ATP11A: variants seen among roughly 807,000 people sequenced by gnomAD.
ATP11A encodes phospholipid-transporting ATPase IH.
In ATP11A, 81 loss-of-function variants were observed where a neutral mutation model predicts 154.4. The ratio of observed to expected loss-of-function variants is 0.52; its 90% confidence interval spans 0.44 to 0.63. The LOEUF (loss-of-function observed/expected upper bound fraction) is 0.63. Among genes scored for constraint, ATP11A ranks in the 30% least tolerant of loss-of-function variants. The pLI is 0.00. For missense variants in ATP11A, 1,316 were observed against 1,474.3 expected (o/e 0.89, Z 1.76); for synonymous variants, 623 against 585.9 (o/e 1.06, Z -0.91).
In ATP11A at chr13:112,858,382, G is replaced by A. The variant is rs2079997573; in HGVS notation, c.2667+92G>A. ...GTCTGAGCCACTTGATGCCACAAGA[G>A]GTCATTGATCTCCGAGGAGCAGCAA... is the stretch of plus-strand genomic sequence containing the variant. On this transcript the variant is annotated intron_variant, in intron 22 of 29. Coordinates refer to ENST00000375645, the MANE Select transcript of ATP11A (RefSeq NM_015205.3). The A allele has an allele frequency of 8.9e-6, 12 of 1,342,544 alleles. No homozygotes were observed. The South Asian group carries it at 1.6e-4, about 18-fold the overall frequency. 83.2% of individuals were successfully genotyped at this position (1,342,544 alleles called of 1,614,324 possible).
Position 112,845,312 on chromosome 13 carries a change from C to T in ATP11A, c.1809+2933C>T, listed in dbSNP as rs1418936117. ...GTTGCCAGGCACTAGTGGTTCTAAC[C>T]AGTCCAGTTGCCGGCACTATCGGTA... On this transcript the variant is annotated intron_variant, in intron 17 of 29. Transcript: ENST00000375645. Among the ~76,000 whole-genome samples, 22 of 120,908 alleles carry T rather than the reference C, an allele frequency of 1.8e-4. 5 individuals carry two copies. The highest frequency in any genetic ancestry group is 1.8e-3 in the Admixed American group (22 of 12,420). 79.3% of individuals were successfully genotyped at this position (120,908 alleles called of 152,430 possible). A position where few individuals can be genotyped will look rare whatever the true frequency, so the allele number is the denominator to read the frequency against.
intron 1 of ATP11A, among the ~76,000 whole-genome samples, chr13:112,729,565 C>T (rs1890270596): frequency 1.3e-5 from 2 of 150,702 alleles, no homozygotes; most frequent in South Asian, 2.1e-4. Context: ...TCTTACTCAT[C>T]CGAGTGTGAA....
chr13:112,718,209 A>G (rs1888713649), intron 1 of ATP11A, among the ~76,000 whole-genome samples: 1 of 152,110 alleles, frequency 6.6e-6, no homozygotes, highest in Non-Finnish European at 1.5e-5. Context: ...CTTTTCCGTA[A>G]AGAACACTCA....
intron 1 of ATP11A, among the ~76,000 whole-genome samples, chr13:112,716,882 G>A (rs1888524761): frequency 6.6e-6 from 1 of 152,188 alleles, no homozygotes; most frequent in South Asian, 2.1e-4. Flanking sequence ...GCAAAATAAA[G>A]GTGAAATGAT....
In ATP11A at chr13:112,806,285, A is replaced by G. The variant is rs773276133; in HGVS notation, c.325A>G (p.Ile109Val). 1.4e-5 allele frequency: 23 copies of G among 1,612,688 alleles called. No individual in the cohort carries two copies. Among genetic ancestry groups the G allele is most frequent in the East Asian group, 6.7e-5 (3 of 44,876 alleles). ...CTTCTTTGTCATTACTGTGACGGCT[A>G]TCAAACAGGTAAGCATTTTACAGAC... ...PLFFVITVTA[I>V]KQGYEDWLRH... Residue 109 changes from isoleucine (I) to valine (V), a missense_variant, in exon 4 of 30, where the codon ATC (isoleucine) becomes GTC (valine). Physicochemically the swap from Ile to Val is conservative, Grantham distance 29. This residue lies in a region of ATP11A where 876 missense variants were observed against 1,006.8 expected (regional missense o/e 0.87). Coordinates refer to ENST00000375645, the MANE Select transcript of ATP11A (RefSeq NM_015205.3).
At chr13:112,827,316 A>T (rs2078958705) in intron 12 of ATP11A, among the ~76,000 whole-genome samples, 1 of 152,188 alleles carries the variant, frequency 6.6e-6, no homozygotes, top group Non-Finnish European at 1.5e-5. Flanking sequence ...CTCCATTCAG[A>T]TCCTGCTGCT....
chr13:112,841,276 G>A (rs1290988027), intron 16 of ATP11A, among the ~76,000 whole-genome samples: 3 of 148,256 alleles, frequency 2.0e-5, no homozygotes, highest in African/African-American at 5.1e-5. Context: ...GGGAGCACCT[G>A]CGCCCAGGCA....
intron 1 of ATP11A, among the ~76,000 whole-genome samples, chr13:112,741,511 G>T (rs1397719972): frequency 6.6e-6 from 1 of 152,194 alleles, no homozygotes; most frequent in Non-Finnish European, 1.5e-5. Flanking sequence ...CCATTACCCT[G>T]GCCTGGGCTG....
chr13:112,731,158 C>G (rs1190312495), intron 1 of ATP11A, among the ~76,000 whole-genome samples: 2 of 151,822 alleles, frequency 1.3e-5, no homozygotes, highest in African/African-American at 4.9e-5. Context: ...TGGTCTGGAA[C>G]TCCTGACCTC....
Position 112,838,540 on chromosome 13 carries a change from C to T in ATP11A, c.1705+2289C>T, listed in dbSNP as rs1025770834. Among the ~76,000 whole-genome samples the T allele has an allele frequency of 4.6e-5, 7 of 152,244 alleles. No homozygotes were observed. The highest frequency in any genetic ancestry group is 7.3e-5 in the Non-Finnish European group (5 of 68,044). ...TCACCCCGGAGCTGGCCCTGCCACA[C>T]GCTCACAAGGGGTTTTTGCTGCATC... is the stretch of plus-strand genomic sequence containing the variant. On this transcript the variant is annotated intron_variant, in intron 16 of 29. Transcript: ENST00000375645. The surrounding 1 kb of genome is among the most constrained non-coding windows in gnomAD (Gnocchi z 7.3).
rs1298528946 is a variant in ATP11A, at chr13:112,755,236, TG to T, written c.40-29894del. On this transcript the variant is annotated intron_variant, in intron 1 of 29. Transcript: ENST00000375645. Reference sequence around the variant, plus strand: ...GACAGGCTGCAGGCTGCACGTGGACTGGGGGCGGGTCTGTGGGCCTCTGCTT... The same window carrying T: ...GACAGGCTGCAGGCTGCACGTGGACTGGGGCGGGTCTGTGGGCCTCTGCTT... 3.9e-5 allele frequency among the ~76,000 whole-genome samples: 6 copies of T among 152,288 alleles called. No homozygotes were observed. The East Asian group carries it at 1.2e-3, about 29-fold the overall frequency.
At chr13:112,737,193 T>A (rs1308252702) in intron 1 of ATP11A, among the ~76,000 whole-genome samples, 1 of 152,164 alleles carries the variant, frequency 6.6e-6, no homozygotes. Context: ...GGTTCAAAGC[T>A]GGGCACTCCT....
At chr13:112,781,708 A>G (rs761221737) in intron 1 of ATP11A, among the ~76,000 whole-genome samples, 1 of 139,296 alleles carries the variant, frequency 7.2e-6, no homozygotes, top group Non-Finnish European at 1.5e-5. Flanking sequence ...GAATTTGACC[A>G]TGTGTGGGCT....
chr13:112,870,644 T>C (rs1443508636), intron 25 of ATP11A, among the ~76,000 whole-genome samples: 4 of 152,216 alleles, frequency 2.6e-5, no homozygotes, highest in Admixed American at 2.0e-4. Context: ...CCCAAAGCGC[T>C]GGGATTACAG....
intron 2 of ATP11A, among the ~76,000 whole-genome samples, chr13:112,788,553 T>C (rs2077728968): frequency 6.7e-6 from 1 of 149,884 alleles, no homozygotes; most frequent in Non-Finnish European, 1.5e-5. Context: ...TAGACTCCTG[T>C]GGAGACCTAC....
chr13:112,838,061 G>A lies in ATP11A; in HGVS notation c.1705+1810G>A, dbSNP rs2079288271. ...CTCCACAGTGAGATGTCTACTGATGGTCATAGGATGAGGAACAATCTGTGT... is the reference window on the plus strand; with the variant it reads ...CTCCACAGTGAGATGTCTACTGATGATCATAGGATGAGGAACAATCTGTGT... On this transcript the variant is annotated intron_variant, in intron 16 of 29. Transcript: ENST00000375645. The surrounding 1 kb of genome is among the most constrained non-coding windows in gnomAD (Gnocchi z 7.3). 6.6e-6 allele frequency among the ~76,000 whole-genome samples: 1 copy of A among 152,182 alleles called. No homozygotes were observed. The highest frequency in any genetic ancestry group is 2.1e-4 in the South Asian group (1 of 4,832).
At chr13:112,719,939 A>G (rs1382722904) in intron 1 of ATP11A, among the ~76,000 whole-genome samples, 3 of 152,224 alleles carry the variant, frequency 2.0e-5, no homozygotes, top group Non-Finnish European at 4.4e-5. Flanking sequence ...AATTCAGCCT[A>G]AGAAAGTCAT....
intron 2 of ATP11A, among the ~76,000 whole-genome samples, chr13:112,791,960 T>C (rs1009229779): frequency 2.0e-5 from 3 of 152,172 alleles, no homozygotes; most frequent in Non-Finnish European, 4.4e-5. Flanking sequence ...GCCGTCTGCG[T>C]GCAGGTGGAG....
chr13:112,783,557 C>T (rs1352825844), intron 1 of ATP11A, among the ~76,000 whole-genome samples: 2 of 152,236 alleles, frequency 1.3e-5, no homozygotes, highest in Non-Finnish European at 2.9e-5. Context: ...AGTGCCCGCT[C>T]GTCCTTCCCG....
Sources: gnomAD v4.1 joint callset for allele counts (sites outside exome capture counted in the v4.1 genomes callset) on GRCh38, gnomAD v4.1.1 for gene constraint, gnomAD v4.1.1 regional missense constraint, Gnocchi (gnomAD v3.1) non-coding constraint, MANE v1.5 for transcripts, NCBI Gene and HGNC (gene_info 2026-07-23, HGNC 2026-07-21) for gene names.